Variants in PTCD1 observed in about 807,000 individuals in gnomAD.
PTCD1 encodes the protein pentatricopeptide repeat-containing protein 1, mitochondrial.
In PTCD1, 50 loss-of-function variants were observed where a neutral mutation model predicts 53.4. The observed-to-expected ratio is 0.94, with a 90% CI of 0.75 to 1.19. The LOEUF (loss-of-function observed/expected upper bound fraction) is 1.19, where lower values mean the gene tolerates loss of function less well. PTCD1 is among the 50% of genes most tolerant of loss of function. The pLI is 0.00. For synonymous variants in PTCD1, 413 were observed against 394.8 expected, an observed-to-expected ratio of 1.05 and a Z score of -0.55; for missense variants, 918 against 904.8, an observed-to-expected ratio of 1.01 and a Z score of -0.19.
rs752013094 is a variant in PTCD1, at chr7:99,420,054, G to GT, written c.2015dup (p.His672GlnfsTer21). 2.5e-6 allele frequency: 4 copies of GT among 1,614,220 alleles called. No homozygotes were observed. Among genetic ancestry groups the GT allele is most frequent in the Admixed American group, 1.7e-5 (1 of 60,030 alleles). On this transcript the variant is annotated frameshift_variant, in exon 8 of 8. Coordinates refer to ENST00000292478, the MANE Select transcript of PTCD1 (RefSeq NM_015545.4). LOFTEE classifies it low-confidence loss of function (END_TRUNC). ...GCTTGGTCCGGAACTTCTGCCAGGG[G>GT]TGCGGGGTTTCCTCTGCGGGCATCA... is the stretch of plus-strand genomic sequence containing the variant.
chr7:99,419,138 G>C lies in PTCD1; in HGVS notation c.*829C>G. The C allele has an allele frequency of 1.8e-6, 1 of 546,624 alleles. No individual in the cohort carries two copies. Among genetic ancestry groups the C allele is most frequent in the Non-Finnish European group, 3.3e-6 (1 of 304,638 alleles). The allele number at this position is 546,624 out of a possible 1,614,324, so 33.9% of individuals were successfully genotyped here. A position where few individuals can be genotyped will look rare whatever the true frequency, so the allele number is the denominator to read the frequency against. On this transcript the variant is annotated 3_prime_UTR_variant, in exon 8 of 8. Coordinates refer to ENST00000292478, the MANE Select transcript of PTCD1 (RefSeq NM_015545.4). ...TCACACCGATTTCTTTTTCTTGATT[G>C]GCAAACGTGTGTTGGATTTGCAGAA... is the stretch of plus-strand genomic sequence containing the variant.
At chr7:99,421,206 G>A (rs1293070727) in intron 7 of PTCD1, among the ~76,000 whole-genome samples, 6 of 152,064 alleles carry the variant, frequency 3.9e-5, no homozygotes, top group African/African-American at 7.2e-5. Context: ...TTGGGAAGCC[G>A]AGGCAGGCGG....
intron 1 of PTCD1, 55 bp downstream of exon 1, chr7:99,438,637 T>A (rs1796596627): frequency 8.2e-7 from 1 of 1,217,784 alleles, no homozygotes. Context: ...CCTTCCCCTC[T>A]GGCGTGTCTT....
chr7:99,435,600 C>A (rs1484701632), intron 1 of PTCD1, among the ~76,000 whole-genome samples: 2 of 150,764 alleles, frequency 1.3e-5, no homozygotes, highest in Non-Finnish European at 3.0e-5. Flanking sequence ...GATTGCGCCA[C>A]CATACTCCAA....
rs752662949 is a variant in PTCD1 at position 99,417,295 on chromosome 7, C to T, written c.*2672G>A. The T allele has an allele frequency of 3.7e-5, 31 of 828,342 alleles. No individual in the cohort carries two copies. The highest frequency in any genetic ancestry group is 3.4e-4 in the Middle Eastern group (1 of 2,906). 51.3% of individuals were successfully genotyped at this position (828,342 alleles called of 1,614,324 possible). A position where few individuals can be genotyped will look rare whatever the true frequency, so the allele number is the denominator to read the frequency against. The stretch of plus-strand genomic sequence containing the variant: ...CCTGAACTCCTGACCTCAGGTGATC[C>T]GCCTGCCTCGGCCTCCCAAAGTGCT... On this transcript the variant is annotated 3_prime_UTR_variant, in exon 8 of 8. Coordinates refer to ENST00000292478, the MANE Select transcript of PTCD1 (RefSeq NM_015545.4).
intron 3 of PTCD1, 58 bp from the exon 4 acceptor site, chr7:99,429,864 C>T: frequency 6.2e-7 from 1 of 1,601,910 alleles, no homozygotes; most frequent in South Asian, 1.1e-5. Context: ...CACAGGTGAG[C>T]AGCTGCCCCA....
intron 3 of PTCD1, 65 bp from the exon 4 acceptor site, chr7:99,429,871 C>T: frequency 1.3e-6 from 2 of 1,595,268 alleles, no homozygotes; most frequent in Non-Finnish European, 1.7e-6. Context: ...GAGCAGCTGC[C>T]CCAGAGGAGG....
chr7:99,437,399 G>GAT lies in PTCD1; in HGVS notation c.-27+1291_-27+1292dup, dbSNP rs1398980524. On this transcript the variant is annotated intron_variant, in intron 1 of 7. Coordinates refer to ENST00000292478, the MANE Select transcript of PTCD1 (RefSeq NM_015545.4). Reference sequence around the variant, plus strand: ...GGCTCACTGCAATTTCCGCCTCCCGGATTCAAGCGATTCTCCTGCCTCAGC... The same window carrying GAT: ...GGCTCACTGCAATTTCCGCCTCCCGGATATTCAAGCGATTCTCCTGCCTCAGC... Among the ~76,000 whole-genome samples, 16 of 151,888 alleles carry GAT rather than the reference G, an allele frequency of 1.1e-4. No individual in the cohort carries two copies. In the East Asian group the frequency reaches 2.9e-3, roughly 28 times the overall value.
chr7:99,434,409 A>T (rs1252748039), intron 2 of PTCD1, among the ~76,000 whole-genome samples: 1 of 152,150 alleles, frequency 6.6e-6, no homozygotes, highest in Non-Finnish European at 1.5e-5. Flanking sequence ...AGATCGTGCC[A>T]CTGCACTCCA....
chr7:99,429,299 C>T, intron 4 of PTCD1, 95 bp from the exon 5 acceptor site: 1 of 1,482,220 alleles, frequency 6.7e-7, no homozygotes, highest in Non-Finnish European at 9.4e-7. Flanking sequence ...GAGGCCAAGG[C>T]AGGATGATCA....
intron 5 of PTCD1, among the ~76,000 whole-genome samples, chr7:99,426,020 A>G (rs1047029062): frequency 6.6e-6 from 1 of 152,142 alleles, no homozygotes; most frequent in Non-Finnish European, 1.5e-5. Flanking sequence ...AGCCGTGATC[A>G]TGCCACAGCA....
chr7:99,427,096 CCCGCCAGGCCAGCCGCCCCG>C (rs1215526186), intron 5 of PTCD1, among the ~76,000 whole-genome samples: 3 of 151,152 alleles, frequency 2.0e-5, no homozygotes, highest in Admixed American at 6.6e-5. Flanking sequence ...GGGGTCAGCC[CCCGCCAGGCCAGCCGCCCCG>C]TCCGGGAGGG....
intron 4 of PTCD1, 25 bp downstream of exon 4, chr7:99,429,563 A>G (rs1454624044): frequency 6.2e-7 from 1 of 1,613,930 alleles, no homozygotes; most frequent in Non-Finnish European, 8.5e-7. Context: ...CATGAAGGGG[A>G]GCAGGACGGC....
At chr7:99,438,448 G>T in intron 1 of PTCD1, 1 of 982,712 alleles carries the variant, frequency 1.0e-6, no homozygotes, top group Non-Finnish European at 1.3e-6. Context: ...CTGGGCCACA[G>T]AGCGAGAAAA....
At chr7:99,434,688 G>T in intron 2 of PTCD1, 102 bp downstream of exon 2, 1 of 1,460,600 alleles carries the variant, frequency 6.8e-7, no homozygotes, top group Non-Finnish European at 9.5e-7. Context: ...CAACAGGGTA[G>T]GCCCAAAACT....
intron 7 of PTCD1, among the ~76,000 whole-genome samples, chr7:99,423,316 A>G (rs1795898103): frequency 6.6e-6 from 1 of 152,178 alleles, no homozygotes; most frequent in Non-Finnish European, 1.5e-5. Context: ...AGGGAAGGCC[A>G]GGGCTGCCCA....
intron 7 of PTCD1, among the ~76,000 whole-genome samples, chr7:99,421,107 G>A (rs1795793932): frequency 6.6e-6 from 1 of 152,152 alleles, no homozygotes; most frequent in Non-Finnish European, 1.5e-5. Flanking sequence ...AGATGCTCCT[G>A]ACAGCAGGGT....
At chr7:99,432,879 C>G in intron 3 of PTCD1, 1 of 327,858 alleles carries the variant, frequency 3.1e-6, no homozygotes, top group Non-Finnish European at 6.0e-6. Flanking sequence ...CACAATCCCA[C>G]CTCTACAAAA....
Position 99,417,947 on chromosome 7 carries a change from A to G in PTCD1, c.*2020T>C, listed in dbSNP as rs149607644. 7.3e-6 allele frequency: 9 copies of G among 1,228,718 alleles called. 1 individual carries two copies. In the East Asian group the frequency reaches 4.5e-4, roughly 61 times the overall value. 76.1% of individuals were successfully genotyped at this position (1,228,718 alleles called of 1,614,324 possible). A position where few individuals can be genotyped will look rare whatever the true frequency, so the allele number is the denominator to read the frequency against. On this transcript the variant is annotated 3_prime_UTR_variant, in exon 8 of 8. Transcript: ENST00000292478. ...CCTGTCCCTTTCAGTCCTCACAGTG[A>G]TACTTTAACATTACCATCACTATCT...
Sources: allele counts gnomAD v4.1 joint callset (sites outside exome capture counted in the v4.1 genomes callset), GRCh38; gene constraint gnomAD v4.1.1; transcripts MANE v1.5; gene names NCBI Gene and HGNC (gene_info 2026-07-23, HGNC 2026-07-21).